Variants in MXD4 observed in about 807,000 individuals in gnomAD.
The protein encoded by MXD4 is Mad4 homolog.
A neutral mutation model predicts 24.5 loss-of-function variants in MXD4; 16 were observed. The ratio of observed to expected loss-of-function variants is 0.65; its 90% CI spans 0.44 to 0.99. The LOEUF is 0.99. Ranked by LOEUF, MXD4 falls within the 50% of genes least tolerant of loss-of-function variation. MXD4 has a pLI of 0.00. For synonymous variants in MXD4, 164 were observed against 134.2 expected (o/e 1.22, Z -1.54); for missense variants, 301 against 301.5 (o/e 1.00, Z 0.01).
chr4:2,259,649 C>T (rs1735499257), intron 2 of MXD4, among the ~76,000 whole-genome samples: 1 of 151,980 alleles, frequency 6.6e-6, no homozygotes, highest in South Asian at 2.1e-4. Flanking sequence ...GCAGGGGGCC[C>T]TCCTCCAGCA....
At position 2,249,583 on chromosome 4, in the gene MXD4, CTT is replaced by C. The variant is rs1455413770; in HGVS notation, c.*959_*960del. ...GGCAGTGCAGCATTTTACTTTTTTG[CTT>C]TTTGTTTAAAAAAGGGAGATGAGTA... On this transcript the variant is annotated 3_prime_UTR_variant, in exon 6 of 6. Coordinates refer to ENST00000337190, the MANE Select transcript of MXD4 (RefSeq NM_006454.3). The C allele has an allele frequency of 6.6e-6, 1 of 151,970 alleles. No individual in the cohort carries two copies. Among genetic ancestry groups the C allele is most frequent in the African/African-American group, 2.4e-5 (1 of 41,384 alleles). The allele number at this position is 151,970 out of a possible 1,614,324, so 9.4% of individuals were successfully genotyped here.
rs992024573 is a variant in MXD4, at chr4:2,250,193, G to T, written c.*351C>A. The T allele has an allele frequency of 3.5e-6, 1 of 282,876 alleles. No individual in the cohort carries two copies. The highest frequency in any genetic ancestry group is 2.2e-5 in the African/African-American group (1 of 45,940). 17.5% of individuals were successfully genotyped at this position (282,876 alleles called of 1,614,324 possible). A position where few individuals can be genotyped will look rare whatever the true frequency, so the allele number is the denominator to read the frequency against. On this transcript the variant is annotated 3_prime_UTR_variant, in exon 6 of 6. Coordinates refer to ENST00000337190, the MANE Select transcript of MXD4 (RefSeq NM_006454.3). ...GTTGGGGTCTGAGCTCCCTGTGGTGGTCATTAAGCCCCTCACACGGCACCT... is the reference window on the plus strand; with the variant it reads ...GTTGGGGTCTGAGCTCCCTGTGGTGTTCATTAAGCCCCTCACACGGCACCT...
chr4:2,248,301 G>A lies in MXD4; in HGVS notation c.*2243C>T, dbSNP rs1015957849. 8.5e-5 allele frequency: 13 copies of A among 152,490 alleles called. No individual in the cohort carries two copies. Among genetic ancestry groups the A allele is most frequent in the South Asian group, 2.1e-4 (1 of 4,838 alleles). The allele number at this position is 152,490 out of a possible 1,614,324, so 9.4% of individuals were successfully genotyped here. A position where few individuals can be genotyped will look rare whatever the true frequency, so the allele number is the denominator to read the frequency against. ...CTCAAGAGCCACAGGCTGAGCTGCCGGGAGGGTGGGCTGAGGGGCCACCAC... is the reference window on the plus strand; with the variant it reads ...CTCAAGAGCCACAGGCTGAGCTGCCAGGAGGGTGGGCTGAGGGGCCACCAC... On this transcript the variant is annotated 3_prime_UTR_variant, in exon 6 of 6. Coordinates refer to ENST00000337190, the MANE Select transcript of MXD4 (RefSeq NM_006454.3).
chr4:2,252,202 T>C (rs551150099), intron 4 of MXD4, among the ~76,000 whole-genome samples: 177 of 152,158 alleles, frequency 1.2e-3, no homozygotes, highest in Non-Finnish European at 2.1e-3. Flanking sequence ...CGGAACAGCC[T>C]CGACCCCTTG....
At chr4:2,256,115 G>A (rs1312587180) in intron 3 of MXD4, among the ~76,000 whole-genome samples, 1 of 152,222 alleles carries the variant, frequency 6.6e-6, no homozygotes, top group Non-Finnish European at 1.5e-5. Flanking sequence ...CTGGCCTTTG[G>A]GATGGGTCCT....
rs1157959508 is a variant in MXD4, at chr4:2,250,455, G to C, written c.*89C>G. 3 of 1,411,422 alleles carry C rather than the reference G, an allele frequency of 2.1e-6. No homozygotes were observed. Among genetic ancestry groups the C allele is most frequent in the East Asian group, 2.5e-5 (1 of 39,904 alleles). The allele number at this position is 1,411,422 out of a possible 1,614,324, so 87.4% of individuals were successfully genotyped here. ...TCCAGAATGGCACAGCAGTGGGCCT[G>C]TGGAGAGGCTGGCGTCAACTGAAGG... On this transcript the variant is annotated 3_prime_UTR_variant, in exon 6 of 6. Coordinates refer to ENST00000337190, the MANE Select transcript of MXD4 (RefSeq NM_006454.3).
chr4:2,260,993 G>C lies in MXD4; in HGVS notation c.164+732C>G, dbSNP rs186120766. ...TTCAGGGCTTCTGCTGCCTGAACACGAGGTCAAGGTATGGAGGGCGCAGCT... is the reference window on the plus strand; with the variant it reads ...TTCAGGGCTTCTGCTGCCTGAACACCAGGTCAAGGTATGGAGGGCGCAGCT... On this transcript the variant is annotated intron_variant, in intron 2 of 5. Transcript: ENST00000337190. 3.3e-3 allele frequency among the ~76,000 whole-genome samples: 497 copies of C among 152,354 alleles called. 3 individuals carry two copies. Among genetic ancestry groups the C allele is most frequent in the African/African-American group, 0.012 (482 of 41,586 alleles).
At chr4:2,261,623 C>T (rs1384900743) in intron 2 of MXD4, 102 bp downstream of exon 2, 5 of 605,900 alleles carry the variant, frequency 8.3e-6, no homozygotes, top group Middle Eastern at 1.4e-3. Flanking sequence ...GCGGCGGCGG[C>T]GCTGAGGGCC....
At chr4:2,257,237 C>A (rs1735449601) in intron 3 of MXD4, among the ~76,000 whole-genome samples, 1 of 152,200 alleles carries the variant, frequency 6.6e-6, no homozygotes, top group South Asian at 2.1e-4. Flanking sequence ...GCACGCAGAC[C>A]TGCCCCACTA....
rs1057182203 is a variant in MXD4, at chr4:2,248,985, G to T, written c.*1559C>A. 11 of 152,318 alleles carry T rather than the reference G, an allele frequency of 7.2e-5. No homozygotes were observed. Among genetic ancestry groups the T allele is most frequent in the African/African-American group, 2.4e-5 (1 of 41,464 alleles). 9.4% of individuals were successfully genotyped at this position (152,318 alleles called of 1,614,324 possible). On this transcript the variant is annotated 3_prime_UTR_variant, in exon 6 of 6. Transcript: ENST00000337190. ...AAACCTGGAACCCTCGCCTAGGCCA[G>T]GAAGCAGGGGGCTCGAGTCAGGTGA...
intron 3 of MXD4, among the ~76,000 whole-genome samples, chr4:2,256,665 C>G (rs1056188878): frequency 6.6e-6 from 1 of 152,174 alleles, no homozygotes; most frequent in Admixed American, 6.5e-5. Context: ...CACCCCTCCT[C>G]TGTGTCTCAA....
rs752174395 is a variant in MXD4 at position 2,261,957 on chromosome 4, G to A, written c.24C>T (p.Ile8=). The stretch of plus-strand genomic sequence containing the variant: ...CCAGGTACTCGGCCGCCTCCAGCAG[G>A]ATCAGCAGGGAGTTCAGCTCCATCC... MELNSLL[I]LLEAAEYLER... The change falls in exon 1 of 6, where the codon ATC becomes ATT. Residue 8 remains isoleucine, a synonymous_variant. Transcript: ENST00000337190. 8 of 1,442,484 alleles carry A rather than the reference G, an allele frequency of 5.5e-6. No individual in the cohort carries two copies. In the South Asian group the frequency reaches 7.9e-5, roughly 14 times the overall value. 89.4% of individuals were successfully genotyped at this position (1,442,484 alleles called of 1,614,324 possible).
rs567957267 is a variant in MXD4, at chr4:2,251,915, G to T, written c.309+493C>A. Reference sequence around the variant, plus strand: ...CAACAGGGCTGTCAAAAGTCCTTTGGGGGGCGGTCCCAGGGAATGTCTCCC... The same window carrying T: ...CAACAGGGCTGTCAAAAGTCCTTTGTGGGGCGGTCCCAGGGAATGTCTCCC... On this transcript the variant is annotated intron_variant, in intron 4 of 5. Transcript: ENST00000337190. 1.5e-3 allele frequency among the ~76,000 whole-genome samples: 226 copies of T among 152,276 alleles called. 1 individual carries two copies. Among genetic ancestry groups the T allele is most frequent in the African/African-American group, 5.0e-3 (207 of 41,546 alleles).
At position 2,251,232 on chromosome 4, in the gene MXD4, C is replaced by T; in HGVS notation, c.324G>A (p.Gln108=). 1 of 1,600,348 alleles carries T rather than the reference C, an allele frequency of 6.2e-7. No homozygotes were observed. The highest frequency in any genetic ancestry group is 8.5e-7 in the Non-Finnish European group (1 of 1,171,348). Residue 108 remains glutamine (Q), a synonymous_variant, in exon 5 of 6, where the codon CAG becomes CAA. Coordinates refer to ENST00000337190, the MANE Select transcript of MXD4 (RefSeq NM_006454.3). ...CCTTGATGCTCAGTGCCCGGCGGTC[C>T]TGCTCCTCCAGTTTCTGGGGTCGAG... The part of the protein sequence containing the change: ...AKVHIKKLEE[Q]DRRALSIKEQ...
rs1448870140 is a variant in MXD4 at position 2,261,729 on chromosome 4, T to C, written c.160A>G (p.Asn54Asp). Residue 54 changes from asparagine to aspartate, a missense_variant, in exon 2 of 6, where the codon AAC becomes GAC. Asn to Asp is a conservative substitution (Grantham distance 23, BLOSUM62 1). Coordinates refer to ENST00000337190, the MANE Select transcript of MXD4 (RefSeq NM_006454.3). Reference protein sequence around the residue: ...AAGLVRKAPNNRSSHNELEKH... With the variant: ...AAGLVRKAPNDRSSHNELEKH... ...GTCGGGAGCGGGGGGCGGTACCTGT[T>C]GTTCGGGGCCTTGCGCACCAGGCCG... 1.4e-6 allele frequency: 2 copies of C among 1,390,112 alleles called. No homozygotes were observed. Among genetic ancestry groups the C allele is most frequent in the South Asian group, 1.4e-5 (1 of 69,942 alleles). 86.1% of individuals were successfully genotyped at this position (1,390,112 alleles called of 1,614,324 possible).
chr4:2,254,499 AAC>A (rs1480911827), intron 3 of MXD4: 1 of 152,266 alleles, frequency 6.6e-6, no homozygotes, highest in African/African-American at 2.4e-5. Flanking sequence ...CTTAAAAAAA[AAC>A]ACACACAGAC....
rs1171959266 is a variant in MXD4 at position 2,248,352 on chromosome 4, C to T, written c.*2192G>A. On this transcript the variant is annotated 3_prime_UTR_variant, in exon 6 of 6. Coordinates refer to ENST00000337190, the MANE Select transcript of MXD4 (RefSeq NM_006454.3). ...TGGTCACCGGGTGGATTCTGCTGGT[C>T]AGAGATGAGAGCAGAAGCCCCTAGC... 6.6e-6 allele frequency: 1 copy of T among 152,406 alleles called. No individual in the cohort carries two copies. 9.4% of individuals were successfully genotyped at this position (152,406 alleles called of 1,614,324 possible). A position where few individuals can be genotyped will look rare whatever the true frequency, so the allele number is the denominator to read the frequency against.
chr4:2,250,749 A>C, intron 5 of MXD4, 48 bp from the exon 6 acceptor site: 1 of 1,584,590 alleles, frequency 6.3e-7, no homozygotes, highest in Non-Finnish European at 8.6e-7. Context: ...TGAGGGTGCC[A>C]GCCCATTTCT....
chr4:2,252,443 G>C lies in MXD4; in HGVS notation c.274C>G (p.Leu92Val). ...ACCTTGGCCCGCTTCAGGAGGCTCA[G>C]CGTGGTGTGGCGGGTGCTGTCGGGG... is the stretch of plus-strand genomic sequence containing the variant. Reference protein sequence around the residue: ...LGPDSTRHTTLSLLKRAKVHI... With the variant: ...LGPDSTRHTTVSLLKRAKVHI... The change falls in exon 4 of 6, where the codon CTG becomes GTG. Residue 92 changes from leucine (L) to valine (V), a missense_variant. Transcript: ENST00000337190. 6.2e-7 allele frequency: 1 copy of C among 1,613,428 alleles called. No homozygotes were observed. Among genetic ancestry groups the C allele is most frequent in the Non-Finnish European group, 8.5e-7 (1 of 1,179,994 alleles).
Sources: gnomAD v4.1 joint callset for allele counts (sites outside exome capture counted in the v4.1 genomes callset) on GRCh38, gnomAD v4.1.1 for gene constraint, MANE v1.5 for transcripts, NCBI Gene and HGNC (gene_info 2026-07-23, HGNC 2026-07-21) for gene names.